TM4SF19: variants seen among roughly 807,000 people sequenced by gnomAD.
TM4SF19 encodes the protein transmembrane 4 L six family member 19.
In TM4SF19, 17 loss-of-function variants were observed where a neutral mutation model predicts 21.8. The observed-to-expected ratio is 0.78, with a 90% CI of 0.53 to 1.17. TM4SF19 has a LOEUF of 1.17. Among genes scored for constraint, TM4SF19 ranks in the 50% most tolerant of loss-of-function variants. TM4SF19 has a pLI of 0.00. For synonymous variants in TM4SF19, 107 were observed against 106.7 expected, an observed-to-expected ratio of 1.00 and a Z score of -0.02; for missense variants, 216 against 252.1, an observed-to-expected ratio of 0.86 and a Z score of 0.97.
intron 1 of TM4SF19, among the ~76,000 whole-genome samples, chr3:196,337,608 G>A (rs774024812): frequency 6.6e-6 from 1 of 152,204 alleles, no homozygotes; most frequent in East Asian, 1.9e-4. Flanking sequence ...AGGGAAAAAC[G>A]CCTCAAGTGA....
At position 196,327,380 on chromosome 3, in the gene TM4SF19, G is replaced by A. The variant is rs752835303; in HGVS notation, c.201+10C>T. On this transcript the variant is annotated intron_variant, in intron 2 of 4. Coordinates refer to ENST00000273695, the MANE Select transcript of TM4SF19 (RefSeq NM_138461.4). The stretch of plus-strand genomic sequence containing the variant: ...TGAGAGTTCACGTTCAGGGAACCCC[G>A]GACACTTACCATGAGGCCTCCTCCC... 7.2e-5 allele frequency: 116 copies of A among 1,612,788 alleles called. No individual in the cohort carries two copies. The highest frequency in any genetic ancestry group is 9.0e-5 in the Non-Finnish European group (106 of 1,179,110).
chr3:196,324,815 C>T (rs1387498619), intron 3 of TM4SF19: 1 of 179,302 alleles, frequency 5.6e-6, no homozygotes, highest in African/African-American at 2.4e-5. Flanking sequence ...GAAGCTACCA[C>T]AGGCCCACCA....
chr3:196,337,558 C>G (rs1233877803), intron 1 of TM4SF19, among the ~76,000 whole-genome samples: 2 of 152,128 alleles, frequency 1.3e-5, no homozygotes, highest in Non-Finnish European at 2.9e-5. Flanking sequence ...TGGAGTTTAG[C>G]TGGTGTGTGT....
At chr3:196,335,984 C>T (rs1391327140) in intron 1 of TM4SF19, among the ~76,000 whole-genome samples, 1 of 152,088 alleles carries the variant, frequency 6.6e-6, no homozygotes, top group Non-Finnish European at 1.5e-5. Flanking sequence ...CAGGAGACGC[C>T]GTTGTGCAGG....
rs757029205 is a variant in TM4SF19 at position 196,326,952 on chromosome 3, T to TA, written c.279+2dup. On this transcript the variant is annotated splice_region_variant and intron_variant, in intron 3 of 4. Coordinates refer to ENST00000273695, the MANE Select transcript of TM4SF19 (RefSeq NM_138461.4). ...TGTTAGAAGAGTGGAATCTGGTGCT[T>TA]ACGCTTCGACAGAGCCCACTCTTAC... 163 of 1,606,602 alleles carry TA rather than the reference T, an allele frequency of 1.0e-4. 1 individual carries two copies. In the South Asian group the frequency reaches 1.7e-3, roughly 16 times the overall value.
At chr3:196,326,877 G>T in intron 3 of TM4SF19, 78 bp downstream of exon 3, 1 of 1,278,872 alleles carries the variant, frequency 7.8e-7, no homozygotes, top group Non-Finnish European at 1.1e-6. Context: ...GACCAAAATT[G>T]CCTCTTTACC....
chr3:196,331,474 T>A (rs1318359329), intron 1 of TM4SF19, among the ~76,000 whole-genome samples: 2 of 151,446 alleles, frequency 1.3e-5, no homozygotes, highest in Non-Finnish European at 2.9e-5. Context: ...TTAATTTATT[T>A]ATTTATTTTT....
At chr3:196,329,911 A>G (rs1466367633) in intron 1 of TM4SF19, among the ~76,000 whole-genome samples, 2 of 90,656 alleles carry the variant, frequency 2.2e-5, no homozygotes, top group African/African-American at 6.8e-5. Context: ...TTGCTCTGTC[A>G]GCCAGGCTGG....
intron 3 of TM4SF19, 30 bp from the exon 4 acceptor site, chr3:196,324,470 G>C (rs1487593498): frequency 6.2e-7 from 1 of 1,611,630 alleles, no homozygotes; most frequent in Non-Finnish European, 8.5e-7. Context: ...ACTGAGCTAA[G>C]ACGGGGTCGC....
rs989350163 is a variant in TM4SF19, at chr3:196,326,862, C to T, written c.279+93G>A. 5.6e-6 allele frequency: 6 copies of T among 1,073,070 alleles called. No individual in the cohort carries two copies. The African/African-American group carries it at 9.2e-5, about 16-fold the overall frequency. 66.5% of individuals were successfully genotyped at this position (1,073,070 alleles called of 1,614,324 possible). A position where few individuals can be genotyped will look rare whatever the true frequency, so the allele number is the denominator to read the frequency against. ...TCACAGTGAGGACCTGACTTCAGGC[C>T]CCAAGACCAAAATTGCCTCTTTACC... On this transcript the variant is annotated intron_variant, in intron 3 of 4. Coordinates refer to ENST00000273695, the MANE Select transcript of TM4SF19 (RefSeq NM_138461.4).
chr3:196,337,031 T>G (rs1199022889), intron 1 of TM4SF19, among the ~76,000 whole-genome samples: 1 of 149,878 alleles, frequency 6.7e-6, no homozygotes, highest in Non-Finnish European at 1.5e-5. Flanking sequence ...GTGGGGACAC[T>G]GCTGACGCAA....
chr3:196,336,541 G>A (rs1727769480), intron 1 of TM4SF19, among the ~76,000 whole-genome samples: 1 of 152,242 alleles, frequency 6.6e-6, no homozygotes, highest in South Asian at 2.1e-4. Context: ...CTGGCTGTCC[G>A]CCAATCAAAC....
intron 1 of TM4SF19, among the ~76,000 whole-genome samples, chr3:196,328,803 AC>A (rs1303832473): frequency 6.6e-6 from 1 of 152,238 alleles, no homozygotes; most frequent in Non-Finnish European, 1.5e-5. Flanking sequence ...TGAAAAACAA[AC>A]AAAGCTGGAG....
intron 1 of TM4SF19, among the ~76,000 whole-genome samples, chr3:196,332,485 G>A (rs1260639784): frequency 6.8e-6 from 1 of 147,090 alleles, no homozygotes; most frequent in Admixed American, 6.9e-5. Flanking sequence ...AGAGGAAGGG[G>A]AAGGGGAAGG....
Position 196,329,315 on chromosome 3 carries a change from A to T in TM4SF19, c.-1-1724T>A, listed in dbSNP as rs901428316. ...TCCACAAATGGTGCCGGAACAATGCACATGCAAAACAAAACTGCCTTCACT... is the reference window on the plus strand; with the variant it reads ...TCCACAAATGGTGCCGGAACAATGCTCATGCAAAACAAAACTGCCTTCACT... On this transcript the variant is annotated intron_variant, in intron 1 of 4. Transcript: ENST00000273695. 1.9e-3 allele frequency among the ~76,000 whole-genome samples: 242 copies of T among 127,182 alleles called. 38 individuals are homozygous for T. The highest frequency in any genetic ancestry group is 6.1e-3 in the African/African-American group (233 of 37,948). 83.4% of individuals were successfully genotyped at this position (127,182 alleles called of 152,430 possible). A position where few individuals can be genotyped will look rare whatever the true frequency, so the allele number is the denominator to read the frequency against.
At chr3:196,327,702 C>G in intron 1 of TM4SF19, 111 bp from the exon 2 acceptor site, 1 of 870,524 alleles carries the variant, frequency 1.1e-6, no homozygotes, top group South Asian at 1.6e-5. Flanking sequence ...CCGCCACCTT[C>G]CAGGGTCAGA....
intron 1 of TM4SF19, among the ~76,000 whole-genome samples, chr3:196,337,043 A>C (rs1454636156): frequency 6.7e-6 from 1 of 149,150 alleles, no homozygotes; most frequent in Admixed American, 6.9e-5. Flanking sequence ...CTGACGCAAA[A>C]AGCAATTCTT....
chr3:196,328,327 T>C (rs1727388423), intron 1 of TM4SF19, among the ~76,000 whole-genome samples: 2 of 151,926 alleles, frequency 1.3e-5, no homozygotes, highest in South Asian at 4.1e-4. Context: ...ACATTGTTAT[T>C]ATTCACAGAT....
In TM4SF19 at chr3:196,323,716, AAAGGGG is replaced by A. The variant is rs1488447478; in HGVS notation, c.*95_*100del. Reference sequence around the variant, plus strand: ...TGTCATTATTACTCCAGGGATACCTAAAGGGGAAGTTTGTTTATAATTCGTACCCAC... The same window carrying A: ...TGTCATTATTACTCCAGGGATACCTAAAGTTTGTTTATAATTCGTACCCAC... On this transcript the variant is annotated 3_prime_UTR_variant, in exon 5 of 5. Coordinates refer to ENST00000273695, the MANE Select transcript of TM4SF19 (RefSeq NM_138461.4). 3.1e-6 allele frequency: 5 copies of A among 1,592,976 alleles called. No homozygotes were observed. The East Asian group carries it at 1.1e-4, about 36-fold the overall frequency.
Sources: gnomAD v4.1 joint callset for allele counts (sites outside exome capture counted in the v4.1 genomes callset) on GRCh38, gnomAD v4.1.1 for gene constraint, MANE v1.5 for transcripts, NCBI Gene and HGNC (gene_info 2026-07-23, HGNC 2026-07-21) for gene names.